PRPF8: variants seen among roughly 807,000 people sequenced by gnomAD.
The protein encoded by PRPF8 is pre-mRNA-processing-splicing factor 8.
In PRPF8, 64 loss-of-function variants were observed where a neutral mutation model predicts 285.9. The ratio of observed to expected loss-of-function variants is 0.22; its 90% confidence interval spans 0.18 to 0.28. PRPF8 has a LOEUF of 0.28. PRPF8 is among the 10% of genes least tolerant of loss of function. The pLI is 1.00. For missense variants in PRPF8, 1,426 were observed against 3,026.7 expected (o/e 0.47, Z 12.41); for synonymous variants, 1,325 against 1,118.2 (o/e 1.18, Z -3.69).
Position 1,652,088 on chromosome 17 carries a change from G to C in PRPF8, c.6370-300C>G, listed in dbSNP as rs145474109. The C allele has an allele frequency of 1.4e-3, 707 of 509,638 alleles. 4 individuals carry two copies. Among genetic ancestry groups the C allele is most frequent in the African/African-American group, 0.013 (659 of 52,244 alleles). 31.6% of individuals were successfully genotyped at this position (509,638 alleles called of 1,614,324 possible). A position where few individuals can be genotyped will look rare whatever the true frequency, so the allele number is the denominator to read the frequency against. ...AGCAAATGAGCACACATGCAGCTCA[G>C]TGTATTTTCACAAGCTGAAAACATC... On this transcript the variant is annotated intron_variant, in intron 39 of 42. Coordinates refer to ENST00000304992, the MANE Select transcript of PRPF8 (RefSeq NM_006445.4).
rs373529065 is a variant in PRPF8, at chr17:1,661,190, C to T, written c.4339-28G>A. On this transcript the variant is annotated intron_variant, in intron 27 of 42. Coordinates refer to ENST00000304992, the MANE Select transcript of PRPF8 (RefSeq NM_006445.4). This position sits in a 1 kb window ranked among gnomAD's most constrained non-coding sequence, Gnocchi z 7.3. ...AGATGGCAAGGCAGGCACGGTCAAG[C>T]TTCTGGGTGCCTATTGCCCCAAGTT... 3 of 1,614,162 alleles carry T rather than the reference C, an allele frequency of 1.9e-6. No individual in the cohort carries two copies. The highest frequency in any genetic ancestry group is 1.7e-5 in the Admixed American group (1 of 60,004).
chr17:1,682,351 C>T (rs1912975189), intron 3 of PRPF8, 58 bp from the exon 4 acceptor site: 4 of 1,575,902 alleles, frequency 2.5e-6, no homozygotes, highest in South Asian at 1.1e-5. Context: ...TGCTACCTGT[C>T]CCATGCAGAG....
rs1045558798 is a variant in PRPF8 at position 1,676,170 on chromosome 17, A to G, written c.2552+37T>C. On this transcript the variant is annotated intron_variant, in intron 17 of 42. Transcript: ENST00000304992. The surrounding 1 kb of genome is among the most constrained non-coding windows in gnomAD (Gnocchi z 6.3). ...GAGGATGACGCCATTCCCTGCTGTC[A>G]CCTTCCCAGCAGGAACCTATCTACC... 1 of 1,612,606 alleles carries G rather than the reference A, an allele frequency of 6.2e-7. No homozygotes were observed. The highest frequency in any genetic ancestry group is 1.7e-5 in the Admixed American group (1 of 59,984).
At position 1,676,278 on chromosome 17, in the gene PRPF8, G is replaced by A. The variant is rs1442897798; in HGVS notation, c.2481C>T (p.Phe827=). The part of the protein sequence containing the change: ...LESRRFSPIP[F]PPLSYKHDTK... Reference sequence around the variant, plus strand: ...TGTCATGCTTATAGGAGAGTGGGGGGAATGGGATGGGTGAAAACCTGCGGC... The same window carrying A: ...TGTCATGCTTATAGGAGAGTGGGGGAAATGGGATGGGTGAAAACCTGCGGC... The change falls in exon 17 of 43, where the codon TTC becomes TTT. Residue 827 remains phenylalanine (F), a synonymous_variant. Coordinates refer to ENST00000304992, the MANE Select transcript of PRPF8 (RefSeq NM_006445.4). The surrounding 1 kb of genome is among the most constrained non-coding windows in gnomAD (Gnocchi z 6.3). The A allele has an allele frequency of 1.2e-6, 2 of 1,614,062 alleles. No homozygotes were observed. The highest frequency in any genetic ancestry group is 2.2e-5 in the East Asian group (1 of 44,888).
At chr17:1,652,736 G>C (rs1334236302) in intron 39 of PRPF8, 1 of 123,370 alleles carries the variant, frequency 8.1e-6, no homozygotes, top group Non-Finnish European at 1.7e-5. Context: ...TTTTTGTAGA[G>C]ACTCCATTTC....
Position 1,673,655 on chromosome 17 carries a change from C to G in PRPF8, c.3447-88G>C. 6.2e-7 allele frequency: 1 copy of G among 1,611,548 alleles called. No homozygotes were observed. Among genetic ancestry groups the G allele is most frequent in the Non-Finnish European group, 8.5e-7 (1 of 1,178,924 alleles). ...CTGATGACATCCTGACACAGCCACGCCTCTCCCACCCAGGACGCAGCCTCA... is the reference window on the plus strand; with the variant it reads ...CTGATGACATCCTGACACAGCCACGGCTCTCCCACCCAGGACGCAGCCTCA... On this transcript the variant is annotated intron_variant, in intron 22 of 42. Coordinates refer to ENST00000304992, the MANE Select transcript of PRPF8 (RefSeq NM_006445.4). This position sits in a 1 kb window ranked among gnomAD's most constrained non-coding sequence, Gnocchi z 5.5.
rs368768581 is a variant in PRPF8 at position 1,658,766 on chromosome 17, G to A, written c.5139-3C>T. The A allele has an allele frequency of 5.3e-5, 86 of 1,613,486 alleles. 1 individual carries two copies. In the South Asian group the frequency reaches 8.6e-4, roughly 16 times the overall value. ...CTGGGAACCAGTTTCCATAGGCACTGTGAGGATAAAAGGGTCAAGAAAAGT... is the reference window on the plus strand; with the variant it reads ...CTGGGAACCAGTTTCCATAGGCACTATGAGGATAAAAGGGTCAAGAAAAGT... On this transcript the variant is annotated splice_region_variant and splice_polypyrimidine_tract_variant and intron_variant, in intron 32 of 42. Coordinates refer to ENST00000304992, the MANE Select transcript of PRPF8 (RefSeq NM_006445.4). The surrounding 1 kb of genome is among the most constrained non-coding windows in gnomAD (Gnocchi z 4.1).
At position 1,655,625 on chromosome 17, in the gene PRPF8, G is replaced by A. The variant is rs192852553; in HGVS notation, c.5794-82C>T. On this transcript the variant is annotated intron_variant, in intron 36 of 42. Transcript: ENST00000304992. The stretch of plus-strand genomic sequence containing the variant: ...AATCCTAACCTTTCATGAAACCCAA[G>A]AATTTTTTTTTTTTCTTTTGAGACA... 2.6e-3 allele frequency: 3,392 copies of A among 1,315,102 alleles called. 15 individuals are homozygous for A. The highest frequency in any genetic ancestry group is 2.6e-3 in the Admixed American group (152 of 57,750). The allele number at this position is 1,315,102 out of a possible 1,614,324, so 81.5% of individuals were successfully genotyped here.
chr17:1,675,046 T>C lies in PRPF8; in HGVS notation c.3060+106A>G, dbSNP rs555111710. The stretch of plus-strand genomic sequence containing the variant: ...CCTCAGCCTCCCAAAGTGCTGGGAT[T>C]ACAGGCATGAGCCACCGCACCCAGC... On this transcript the variant is annotated intron_variant, in intron 20 of 42. Coordinates refer to ENST00000304992, the MANE Select transcript of PRPF8 (RefSeq NM_006445.4). This position sits in a 1 kb window ranked among gnomAD's most constrained non-coding sequence, Gnocchi z 6.0. 98 of 1,352,564 alleles carry C rather than the reference T, an allele frequency of 7.2e-5. No individual in the cohort carries two copies. Among genetic ancestry groups the C allele is most frequent in the Admixed American group, 5.2e-4 (29 of 56,102 alleles). The allele number at this position is 1,352,564 out of a possible 1,614,324, so 83.8% of individuals were successfully genotyped here.
chr17:1,680,590 A>G (rs1912860211), intron 8 of PRPF8, 136 bp downstream of exon 8: 2 of 803,016 alleles, frequency 2.5e-6, no homozygotes, highest in South Asian at 2.9e-5. Flanking sequence ...GAATTCTCAT[A>G]TTCGCTTATA....
At position 1,673,642 on chromosome 17, in the gene PRPF8, T is replaced by C; in HGVS notation, c.3447-75A>G. 1 of 1,611,748 alleles carries C rather than the reference T, an allele frequency of 6.2e-7. No individual in the cohort carries two copies. The highest frequency in any genetic ancestry group is 1.7e-5 in the Admixed American group (1 of 60,008). ...CTTCAAAGGCCAACTGATGACATCC[T>C]GACACAGCCACGCCTCTCCCACCCA... On this transcript the variant is annotated intron_variant, in intron 22 of 42. Transcript: ENST00000304992. This position sits in a 1 kb window ranked among gnomAD's most constrained non-coding sequence, Gnocchi z 5.5.
chr17:1,657,420 C>A lies in PRPF8; in HGVS notation c.5506-659G>T, dbSNP rs537183059. 5.9e-5 allele frequency among the ~76,000 whole-genome samples: 9 copies of A among 152,082 alleles called. No individual in the cohort carries two copies. In the South Asian group the frequency reaches 1.9e-3, roughly 32 times the overall value. ...CAGCACTTTGAGAGGCCAAGGCGGG[C>A]GGATCACGAGGTCAGGAGATTGAGA... On this transcript the variant is annotated intron_variant, in intron 34 of 42. Coordinates refer to ENST00000304992, the MANE Select transcript of PRPF8 (RefSeq NM_006445.4).
rs1912456629 is a variant in PRPF8, at chr17:1,673,805, A to G, written c.3387T>C (p.Asn1129=). The change falls in exon 22 of 43, where the codon AAT becomes AAC. Residue 1129 remains asparagine, a synonymous_variant. Transcript: ENST00000304992. The surrounding 1 kb of genome is among the most constrained non-coding windows in gnomAD (Gnocchi z 5.5). The stretch of plus-strand genomic sequence containing the variant: ...CATCTCGGGGCCAGCACTTCTTGTT[A>G]TTATAGCCAACGATGTTTTCATTAT... ...DPNNENIVGY[N]NKKCWPRDAR... 3.1e-6 allele frequency: 5 copies of G among 1,614,070 alleles called. No homozygotes were observed. The highest frequency in any genetic ancestry group is 4.2e-6 in the Non-Finnish European group (5 of 1,180,032).
chr17:1,684,325 TA>T, intron 2 of PRPF8, 146 bp downstream of exon 2: 1 of 851,296 alleles, frequency 1.2e-6, no homozygotes. Flanking sequence ...AATACGCGCT[TA>T]AAATGACTTG....
chr17:1,650,963 G>A lies in PRPF8; in HGVS notation c.6854-7C>T. 1.2e-6 allele frequency: 2 copies of A among 1,614,192 alleles called. No individual in the cohort carries two copies. The highest frequency in any genetic ancestry group is 1.7e-6 in the Non-Finnish European group (2 of 1,180,038). ...TTGGGGTCATGCCGAACACCTTCGG[G>A]GAGAAGGAAACAGCCAATGTTAACA... On this transcript the variant is annotated splice_region_variant and splice_polypyrimidine_tract_variant and intron_variant, in intron 42 of 42. Coordinates refer to ENST00000304992, the MANE Select transcript of PRPF8 (RefSeq NM_006445.4).
chr17:1,658,697 C>T lies in PRPF8; in HGVS notation c.5205G>A (p.Lys1735=), dbSNP rs1353702151. ...GTAACACATACAGGGCAGGGTTTGC[C>T]TTCATGATCTTGGCCATGGCCTGTT... is the stretch of plus-strand genomic sequence containing the variant. ...LIQQAMAKIM[K]ANPALYVLRE... Residue 1735 remains lysine (K), a synonymous_variant, in exon 33 of 43, where the codon AAG becomes AAA. Coordinates refer to ENST00000304992, the MANE Select transcript of PRPF8 (RefSeq NM_006445.4). This position sits in a 1 kb window ranked among gnomAD's most constrained non-coding sequence, Gnocchi z 4.1. 1.2e-6 allele frequency: 2 copies of T among 1,614,126 alleles called. No individual in the cohort carries two copies. Among genetic ancestry groups the T allele is most frequent in the Non-Finnish European group, 1.7e-6 (2 of 1,180,056 alleles).
Position 1,656,580 on chromosome 17 carries a change from A to T in PRPF8, c.5620-15T>A, listed in dbSNP as rs1911401201. The stretch of plus-strand genomic sequence containing the variant: ...AGTAAGTGCACCTAAGACAAGATCA[A>T]GTCCAAGATGAGAAACAGCCTGAAG... On this transcript the variant is annotated splice_polypyrimidine_tract_variant and intron_variant, in intron 35 of 42. Transcript: ENST00000304992. 2 of 1,614,158 alleles carry T rather than the reference A, an allele frequency of 1.2e-6. No homozygotes were observed. The highest frequency in any genetic ancestry group is 1.7e-6 in the Non-Finnish European group (2 of 1,180,020).
intron 24 of PRPF8, among the ~76,000 whole-genome samples, chr17:1,664,205 A>T (rs1266497213): frequency 6.6e-6 from 1 of 151,644 alleles, no homozygotes; most frequent in Non-Finnish European, 1.5e-5. Context: ...TAATTTTTGT[A>T]TTTTTTTTGT....
intron 24 of PRPF8, among the ~76,000 whole-genome samples, chr17:1,667,792 T>G (rs1199829154): frequency 6.6e-6 from 1 of 152,174 alleles, no homozygotes; most frequent in African/African-American, 2.4e-5. Context: ...TCCACCTACC[T>G]CGGCCTCCCA....
Sources: gnomAD v4.1 joint callset for allele counts (sites outside exome capture counted in the v4.1 genomes callset) on GRCh38, gnomAD v4.1.1 for gene constraint, Gnocchi (gnomAD v3.1) non-coding constraint, MANE v1.5 for transcripts, NCBI Gene and HGNC (gene_info 2026-07-23, HGNC 2026-07-21) for gene names.